Variants in DNAAF6 observed in about 807,000 individuals in gnomAD.
DNAAF6 encodes the protein PIH1 domain containing 3.
Under a neutral mutation model 13.7 loss-of-function variants are expected in DNAAF6, and 3 were observed. The ratio of observed to expected loss-of-function variants is 0.22; its 90% confidence interval spans 0.10 to 0.56. The LOEUF (loss-of-function observed/expected upper bound fraction) is 0.56. DNAAF6 is among the 20% of genes least tolerant of loss of function. The probability of loss-of-function intolerance (pLI) is 0.92; values close to 1 mark genes in which losing one functional copy is unlikely to be tolerated. For missense variants in DNAAF6, 130 were observed against 151.0 expected (o/e 0.86, Z 0.73); for synonymous variants, 54 against 49.2 (o/e 1.10, Z -0.41).
chrX:107,211,619 C>T (rs1479075394), intron 1 of DNAAF6, among the ~76,000 whole-genome samples: 3 of 111,978 alleles, frequency 2.7e-5, no homozygotes, highest in East Asian at 2.8e-4. Flanking sequence ...CCATCCCCTT[C>T]GAAGTAGTCA....
At chrX:107,236,320 C>A (rs1269105761) in intron 5 of DNAAF6, among the ~76,000 whole-genome samples, 1 of 112,049 alleles carries the variant, frequency 8.9e-6, no homozygotes, top group Non-Finnish European at 1.9e-5. Flanking sequence ...AAGAAAGGAA[C>A]ATCAATCCCT....
At chrX:107,222,948 C>T (rs1928179968) in intron 5 of DNAAF6, 107 bp downstream of exon 5, 8 of 1,002,615 alleles carry the variant, frequency 8.0e-6, no homozygotes, top group Non-Finnish European at 1.0e-5. Flanking sequence ...CTTTAAAAAT[C>T]GTGGTTGCTA....
intron 5 of DNAAF6, among the ~76,000 whole-genome samples, chrX:107,224,261 G>A (rs1298784262): frequency 1.8e-5 from 2 of 111,657 alleles, no homozygotes; most frequent in Non-Finnish European, 3.8e-5. Flanking sequence ...AAGTCGAATA[G>A]AAGTTCAGAA....
At chrX:107,218,733 C>CA (rs1234164779) in intron 3 of DNAAF6, 131 bp from the exon 4 acceptor site, 1,782 of 502,728 alleles carry the variant, frequency 3.5e-3, no homozygotes, top group Non-Finnish European at 4.3e-3. Context: ...TTGTTTTGAT[C>CA]AAAAAAAAAA....
intron 5 of DNAAF6, among the ~76,000 whole-genome samples, chrX:107,236,515 G>A (rs1928516850): frequency 9.0e-6 from 1 of 111,620 alleles, no homozygotes; most frequent in African/African-American, 3.3e-5. Flanking sequence ...TCCTCATTGA[G>A]TCTTCTGTCT....
intron 5 of DNAAF6, among the ~76,000 whole-genome samples, chrX:107,224,294 C>T (rs180875355): frequency 1.4e-4 from 16 of 111,292 alleles, no homozygotes; most frequent in Admixed American, 1.4e-3. Flanking sequence ...TCATGGACAC[C>T]ACTGAAAGGC....
intron 5 of DNAAF6, among the ~76,000 whole-genome samples, chrX:107,225,568 C>T (rs975028362): frequency 9.0e-6 from 1 of 110,842 alleles, no homozygotes; most frequent in African/African-American, 3.3e-5. Context: ...ACAATCCAAT[C>T]CAAAAACTTT....
intron 3 of DNAAF6, 140 bp from the exon 4 acceptor site, chrX:107,218,720 AGTTT>A (rs1242376436): frequency 4.1e-6 from 2 of 491,411 alleles, no homozygotes; most frequent in South Asian, 3.9e-5. Context: ...TTACTAATTT[AGTTT>A]GTTTTGATCA....
chrX:107,240,309 CCTGCTTAA>C lies in DNAAF6; in HGVS notation c.515+1305_515+1312del, dbSNP rs1342258970. Reference sequence around the variant, plus strand: ...GCAGAGAGGTACCATCTCAAGAAAACCTGCTTAACTAAGATAGAAGACAGAAAATATAA... The same window carrying C: ...GCAGAGAGGTACCATCTCAAGAAAACCTAAGATAGAAGACAGAAAATATAA... On this transcript the variant is annotated intron_variant, in intron 6 of 6. Transcript: ENST00000372453. Among the ~76,000 whole-genome samples, 3 of 111,781 alleles carry C rather than the reference CCTGCTTAA, an allele frequency of 2.7e-5. No individual in the cohort carries two copies. The Admixed American group carries it at 2.9e-4, about 11-fold the overall frequency.
At chrX:107,216,957 G>A (rs951709784) in intron 3 of DNAAF6, among the ~76,000 whole-genome samples, 1 of 111,148 alleles carries the variant, frequency 9.0e-6, no homozygotes, top group Non-Finnish European at 1.9e-5. Context: ...TAATCAGCTT[G>A]AGTTAGTCAT....
At chrX:107,230,598 G>A (rs1928368146) in intron 5 of DNAAF6, among the ~76,000 whole-genome samples, 1 of 112,063 alleles carries the variant, frequency 8.9e-6, no homozygotes, top group Non-Finnish European at 1.9e-5. Context: ...CAGGAGAATT[G>A]TTTGAACCTG....
At chrX:107,241,916 G>A (rs1480916447) in intron 6 of DNAAF6, among the ~76,000 whole-genome samples, 2 of 112,031 alleles carry the variant, frequency 1.8e-5, no homozygotes, top group Non-Finnish European at 3.8e-5. Context: ...TTAGTGCAAC[G>A]AAGCTACCAT....
intron 6 of DNAAF6, among the ~76,000 whole-genome samples, chrX:107,242,328 C>T (rs778198557): frequency 2.9e-4 from 32 of 112,163 alleles, no homozygotes; most frequent in Admixed American, 1.4e-3. Context: ...AATTCAAGAA[C>T]CCAATAAGTG....
intron 6 of DNAAF6, among the ~76,000 whole-genome samples, chrX:107,240,950 T>C (rs959956695): frequency 8.1e-5 from 9 of 111,759 alleles, no homozygotes; most frequent in African/African-American, 2.9e-4. Flanking sequence ...TTAGTTTGGA[T>C]TGGGAATTGA....
intron 5 of DNAAF6, among the ~76,000 whole-genome samples, chrX:107,225,178 G>C: frequency 9.1e-6 from 1 of 109,928 alleles, no homozygotes; most frequent in East Asian, 2.9e-4. Context: ...AAAGATAAAA[G>C]CTTGTAGCTT....
intron 6 of DNAAF6, among the ~76,000 whole-genome samples, chrX:107,241,973 A>C (rs1928632667): frequency 8.9e-6 from 1 of 112,335 alleles, no homozygotes; most frequent in Non-Finnish European, 1.9e-5. Context: ...TCATTTATTG[A>C]ATAAAGTATA....
chrX:107,210,504 C>G (rs1270185157), intron 1 of DNAAF6, among the ~76,000 whole-genome samples: 1 of 110,620 alleles, frequency 9.0e-6, no homozygotes, highest in African/African-American at 3.3e-5. Flanking sequence ...CTGCAACTTC[C>G]ATCTCTGGGA....
intron 1 of DNAAF6, among the ~76,000 whole-genome samples, chrX:107,208,879 T>A (rs1019389750): frequency 1.8e-5 from 2 of 111,940 alleles, no homozygotes; most frequent in Non-Finnish European, 3.8e-5. Flanking sequence ...ACTATTTAAT[T>A]TCTTGACTTC....
intron 2 of DNAAF6, among the ~76,000 whole-genome samples, chrX:107,215,686 C>T (rs1332720759): frequency 9.0e-6 from 1 of 111,672 alleles, no homozygotes; most frequent in Non-Finnish European, 1.9e-5. Flanking sequence ...ACACTACTCT[C>T]CTTGCCCAAA....
Sources: gnomAD v4.1 joint callset for allele counts (sites outside exome capture counted in the v4.1 genomes callset) on GRCh38, gnomAD v4.1.1 for gene constraint, MANE v1.5 for transcripts, NCBI Gene and HGNC (gene_info 2026-07-23, HGNC 2026-07-21) for gene names.